MCM4: variants seen among roughly 807,000 people sequenced by gnomAD.
The protein encoded by MCM4 is minichromosome maintenance complex component 4.
MCM4 carries 60 observed loss-of-function variants against 88.7 expected under a neutral mutation model. That is an observed-to-expected ratio of 0.68 (90% CI 0.55 to 0.84). The LOEUF (loss-of-function observed/expected upper bound fraction) is 0.84. Among genes scored for constraint, MCM4 ranks in the 40% least tolerant of loss-of-function variants. The pLI, the probability that MCM4 is intolerant of heterozygous loss-of-function variation, is 0.00. For missense variants in MCM4, 1,149 were observed against 1,105.5 expected, an observed-to-expected ratio of 1.04 and a Z score of -0.56; for synonymous variants, 465 against 410.5, an observed-to-expected ratio of 1.13 and a Z score of -1.61.
At position 47,963,005 on chromosome 8, in the gene MCM4, A is replaced by C; in HGVS notation, c.658A>C (p.Lys220Gln). 6.2e-7 allele frequency: 1 copy of C among 1,606,978 alleles called. No individual in the cohort carries two copies. Among genetic ancestry groups the C allele is most frequent in the East Asian group, 2.2e-5 (1 of 44,786 alleles). Residue 220 changes from lysine to glutamine, a missense_variant, in exon 7 of 17, where the codon AAA becomes CAA. Coordinates refer to ENST00000649973, the MANE Select transcript of MCM4 (RefSeq NM_182746.3). The part of the protein sequence containing the change: ...VNCEHIKSFD[K>Q]NLYRQLISYP... ...CTGTGAACACATCAAATCATTTGAC[A>C]AAAATTTGTACAGACAACTCATCTC...
chr8:47,961,247 C>T (rs1405341213), intron 2 of MCM4, 33 bp downstream of exon 2: 5 of 1,459,274 alleles, frequency 3.4e-6, no homozygotes, highest in Middle Eastern at 2.2e-4. Context: ...ACTACAGCCC[C>T]CGGCGCCGCC....
At chr8:47,975,242 A>C (rs1450839112) in intron 15 of MCM4, 1 of 306,594 alleles carries the variant, frequency 3.3e-6, no homozygotes, top group East Asian at 7.3e-5. Context: ...GTTTAGTTAC[A>C]TATGTACGCA....
chr8:47,961,100 G>C, intron 1 of MCM4, 31 bp from the exon 2 acceptor site: 1 of 1,517,600 alleles, frequency 6.6e-7, no homozygotes, highest in Non-Finnish European at 8.8e-7. Context: ...CCGGGAGGCG[G>C]GCCCGGCCCG....
intron 14 of MCM4, 138 bp downstream of exon 14, chr8:47,973,202 GCT>G: frequency 1.2e-6 from 1 of 841,542 alleles, no homozygotes; most frequent in Non-Finnish European, 1.8e-6. Context: ...ACAGAGCCTG[GCT>G]CTCTTGCCCA....
rs750255784 is a variant in MCM4, at chr8:47,971,325, C to G, written c.1801-16C>G. 1.2e-6 allele frequency: 2 copies of G among 1,614,058 alleles called. No homozygotes were observed. The highest frequency in any genetic ancestry group is 3.3e-5 in the Admixed American group (2 of 59,986). On this transcript the variant is annotated splice_polypyrimidine_tract_variant and intron_variant, in intron 12 of 16. Transcript: ENST00000649973. Reference sequence around the variant, plus strand: ...CGTCAGGGAGAGGCTTCTAACTGCACTCTTTGCTCTGATAGGCTGGGATCA... The same window carrying G: ...CGTCAGGGAGAGGCTTCTAACTGCAGTCTTTGCTCTGATAGGCTGGGATCA...
At chr8:47,975,530 A>AAGGAAAGC in intron 15 of MCM4, 185 bp from the exon 16 acceptor site, 1 of 445,968 alleles carries the variant, frequency 2.2e-6, no homozygotes, top group Middle Eastern at 5.9e-4. Context: ...GTAGACTGTT[A>AAGGAAAGC]AGGAAAGCAG....
intron 16 of MCM4, 32 bp downstream of exon 16, chr8:47,975,880 G>C (rs765045642): frequency 7.0e-7 from 1 of 1,419,498 alleles, no homozygotes; most frequent in Non-Finnish European, 9.2e-7. Flanking sequence ...TTGTTTGATA[G>C]AGCTTTCTCT....
chr8:47,976,757 G>A lies in MCM4; in HGVS notation c.2571G>A (p.Gly857=), dbSNP rs2091004739. ...LADDDFLTVT[G]KTVRLL The stretch of plus-strand genomic sequence containing the variant: ...ATGATGATTTCCTGACAGTGACTGG[G>A]AAGACCGTGCGCTTGCTCTGAAGCC... Residue 857 remains glycine (G), a synonymous_variant, in exon 17 of 17, where the codon GGG becomes GGA. Coordinates refer to ENST00000649973, the MANE Select transcript of MCM4 (RefSeq NM_182746.3). 3.1e-6 allele frequency: 5 copies of A among 1,613,098 alleles called. No individual in the cohort carries two copies. Among genetic ancestry groups the A allele is most frequent in the South Asian group, 1.1e-5 (1 of 91,054 alleles).
intron 3 of MCM4, 156 bp from the exon 4 acceptor site, chr8:47,961,897 T>A: frequency 2.2e-6 from 2 of 907,366 alleles, no homozygotes; most frequent in East Asian, 5.2e-5. Context: ...GTGCTTTTTT[T>A]TAATAGAACA....
chr8:47,971,279 A>G, intron 12 of MCM4, 62 bp from the exon 13 acceptor site: 1 of 1,603,194 alleles, frequency 6.2e-7, no homozygotes. Flanking sequence ...CCGGGCGAAG[A>G]CGGTGCTTGT....
In MCM4 at chr8:47,969,794, T is replaced by C; in HGVS notation, c.1175-4T>C. 1 of 1,613,704 alleles carries C rather than the reference T, an allele frequency of 6.2e-7. No homozygotes were observed. The highest frequency in any genetic ancestry group is 8.5e-7 in the Non-Finnish European group (1 of 1,179,542). On this transcript the variant is annotated splice_polypyrimidine_tract_variant and splice_region_variant and intron_variant, in intron 10 of 16. Transcript: ENST00000649973. ...AAAAGTGCATCTCCTGGTTGTGCCC[T>C]CAGGCATCTATCGAGCTGTGCCTAT...
rs1318722566 is a variant in MCM4 at position 47,972,242 on chromosome 8, A to C, written c.1929-615A>C. On this transcript the variant is annotated intron_variant, in intron 13 of 16. Transcript: ENST00000649973. ...CAGAGTGAGACTCTGTCTCAAAAAAAAAAAAAAAAAAAAAACTTTCCATCG... is the reference window on the plus strand; with the variant it reads ...CAGAGTGAGACTCTGTCTCAAAAAACAAAAAAAAAAAAAAACTTTCCATCG... 4.6e-5 allele frequency among the ~76,000 whole-genome samples: 7 copies of C among 151,910 alleles called. No individual in the cohort carries two copies. The East Asian group carries it at 1.2e-3, about 25-fold the overall frequency.
At position 47,968,391 on chromosome 8, in the gene MCM4, T is replaced by A. The variant is rs1662185346; in HGVS notation, c.1174+906T>A. On this transcript the variant is annotated intron_variant, in intron 10 of 16. Coordinates refer to ENST00000649973, the MANE Select transcript of MCM4 (RefSeq NM_182746.3). ...ATGGAGAATTTGAAAGAATGCGTAG[T>A]TTTTAGTGAGTGACGTGCGCATTTC... is the stretch of plus-strand genomic sequence containing the variant. Among the ~76,000 whole-genome samples, 4 of 152,170 alleles carry A rather than the reference T, an allele frequency of 2.6e-5. No homozygotes were observed. The South Asian group carries it at 6.2e-4, about 24-fold the overall frequency.
Position 47,970,000 on chromosome 8 carries a change from T to C in MCM4, c.1377T>C (p.Tyr459=). ...AACTTTCCAGGAAACCAGACATTTATGAGAGGCTTGCTTCAGCCTTGGCTC... is the reference window on the plus strand; with the variant it reads ...AACTTTCCAGGAAACCAGACATTTACGAGAGGCTTGCTTCAGCCTTGGCTC... The part of the protein sequence containing the change: ...LKELSRKPDI[Y]ERLASALAPS... The change falls in exon 11 of 17, where the codon TAT becomes TAC. Residue 459 remains tyrosine, a synonymous_variant. Transcript: ENST00000649973. 2 of 1,614,230 alleles carry C rather than the reference T, an allele frequency of 1.2e-6. No homozygotes were observed. Among genetic ancestry groups the C allele is most frequent in the Non-Finnish European group, 1.7e-6 (2 of 1,180,028 alleles).
chr8:47,961,459 C>T, intron 2 of MCM4, 57 bp from the exon 3 acceptor site: 6 of 1,611,898 alleles, frequency 3.7e-6, no homozygotes, highest in Non-Finnish European at 3.4e-6. Context: ...AAAGACAAAT[C>T]CAGGAAGGCC....
chr8:47,971,795 A>G (rs917717114), intron 13 of MCM4, among the ~76,000 whole-genome samples: 7 of 152,232 alleles, frequency 4.6e-5, no homozygotes, highest in African/African-American at 1.2e-4. Flanking sequence ...GTGCAATCAC[A>G]TAATCTTCAC....
rs201414099 is a variant in MCM4, at chr8:47,966,334, T to C, written c.980T>C (p.Val327Ala). ...CGCGGCCGCATTGCAGAGCCCAGTG[T>C]GTGCGGGCGCTGCCACACCACCCAC... ...MDRGRIAEPS[V>A]CGRCHTTHSM... The change falls in exon 9 of 17, where the codon GTG becomes GCG. Residue 327 changes from valine to alanine, a missense_variant. Physicochemically the swap from Val to Ala is moderately conservative, Grantham distance 64 (BLOSUM62 0). Around this residue, in one of 3 missense-constraint regions of MCM4, gnomAD observed 906 missense variants for 843.0 expected, o/e 1.07. Coordinates refer to ENST00000649973, the MANE Select transcript of MCM4 (RefSeq NM_182746.3). 6 of 1,613,936 alleles carry C rather than the reference T, an allele frequency of 3.7e-6. No homozygotes were observed. The East Asian group carries it at 1.1e-4, about 30-fold the overall frequency.
chr8:47,975,504 CT>C (rs1321596676), intron 15 of MCM4: 2 of 358,370 alleles, frequency 5.6e-6, no homozygotes. Context: ...GCAGCAGCTG[CT>C]TGCTGCACAG....
In MCM4 at chr8:47,978,039, A is replaced by G. The variant is rs1336699340; in HGVS notation, c.*1261A>G. On this transcript the variant is annotated 3_prime_UTR_variant, in exon 17 of 17. Transcript: ENST00000649973. The stretch of plus-strand genomic sequence containing the variant: ...TATAGGTCATAAAAAACACCATAAT[A>G]TAACGAATCTCATTTTCTTTAAATG... 2 of 152,206 alleles carry G rather than the reference A, an allele frequency of 1.3e-5. No homozygotes were observed. Among genetic ancestry groups the G allele is most frequent in the Admixed American group, 1.3e-4 (2 of 15,268 alleles). The allele number at this position is 152,206 out of a possible 1,614,324, so 9.4% of individuals were successfully genotyped here. A position where few individuals can be genotyped will look rare whatever the true frequency, so the allele number is the denominator to read the frequency against.
Sources: allele counts gnomAD v4.1 joint callset (sites outside exome capture counted in the v4.1 genomes callset), GRCh38; gene constraint gnomAD v4.1.1; regional missense constraint gnomAD v4.1.1; transcripts MANE v1.5; gene names NCBI Gene and HGNC (gene_info 2026-07-23, HGNC 2026-07-21).